The following SLC16A7 variants were observed in gnomAD, a reference collection of about 807,000 sequenced individuals.
The protein encoded by SLC16A7 is solute carrier family 16 member 7.
A neutral mutation model predicts 34.9 loss-of-function variants in SLC16A7; 33 were observed. That is an observed-to-expected ratio of 0.94 (90% confidence interval 0.72 to 1.26). SLC16A7 has a LOEUF of 1.26. SLC16A7 is among the 50% of genes most tolerant of loss of function. The probability of loss-of-function intolerance (pLI) is 0.00; values close to 1 mark genes in which losing one functional copy is unlikely to be tolerated. For missense variants in SLC16A7, 573 were observed against 578.1 expected, an observed-to-expected ratio of 0.99 and a Z score of 0.09; for synonymous variants, 201 against 206.6, an observed-to-expected ratio of 0.97 and a Z score of 0.23.
chr12:59,661,747 A>C (rs1246107435), intron 2 of SLC16A7, among the ~76,000 whole-genome samples: 1 of 152,108 alleles, frequency 6.6e-6, no homozygotes, highest in Admixed American at 6.6e-5. Context: ...ACCCTCCCCC[A>C]ATTAGGTTTT....
chr12:59,688,267 C>T (rs1871309544), intron 2 of SLC16A7, among the ~76,000 whole-genome samples: 2 of 151,878 alleles, frequency 1.3e-5, no homozygotes, highest in South Asian at 4.1e-4. Flanking sequence ...CGAGGAAAGC[C>T]ATTATTAGAA....
intron 3 of SLC16A7, chr12:59,719,930 C>G (rs1875373883): frequency 3.6e-6 from 2 of 561,956 alleles, no homozygotes; most frequent in South Asian, 4.8e-5. Flanking sequence ...GTGGTGGAAC[C>G]TTAGCTATTA....
intron 3 of SLC16A7, among the ~76,000 whole-genome samples, chr12:59,733,494 G>A (rs868145449): frequency 3.9e-5 from 6 of 152,144 alleles, no homozygotes; most frequent in East Asian, 1.9e-4. Context: ...TACCACAAAC[G>A]GCTTCTACTG....
chr12:59,635,060 G>A (rs1468359048), intron 1 of SLC16A7, among the ~76,000 whole-genome samples: 1 of 151,892 alleles, frequency 6.6e-6, no homozygotes, highest in African/African-American at 2.4e-5. Flanking sequence ...TTTTTCTGAG[G>A]CCTAAGGCTA....
chr12:59,753,810 T>A (rs1879916195), intron 3 of SLC16A7, among the ~76,000 whole-genome samples: 1 of 152,172 alleles, frequency 6.6e-6, no homozygotes, highest in African/African-American at 2.4e-5. Context: ...TACATTTTTT[T>A]CAGCACCACA....
At chr12:59,656,104 A>G (rs1045299430) in intron 2 of SLC16A7, among the ~76,000 whole-genome samples, 1 of 151,938 alleles carries the variant, frequency 6.6e-6, no homozygotes, top group Non-Finnish European at 1.5e-5. Context: ...GTTTGTTGTG[A>G]ACAATTCCTA....
chr12:59,713,138 G>C, intron 3 of SLC16A7, among the ~76,000 whole-genome samples: 1 of 151,846 alleles, frequency 6.6e-6, no homozygotes, highest in East Asian at 1.9e-4. Context: ...TCCCTCCTCA[G>C]CCTCTTGAGT....
chr12:59,762,693 A>T (rs947447178), intron 3 of SLC16A7, among the ~76,000 whole-genome samples: 14 of 152,126 alleles, frequency 9.2e-5, no homozygotes, highest in Non-Finnish European at 1.5e-5. Flanking sequence ...CTGTAGGCCT[A>T]GCTGCTTGGG....
rs201308862 is a variant in SLC16A7 at position 59,601,340 on chromosome 12, A to G, written c.-130+5104A>G. ...TCTATATCTTTTTTAACTAGATTAG[A>G]TAAGAATAAAAAATAAAACTACAAA... On this transcript the variant is annotated intron_variant, in intron 1 of 5. Transcript: ENST00000547379. Among the ~76,000 whole-genome samples, 17 of 152,346 alleles carry G rather than the reference A, an allele frequency of 1.1e-4. No homozygotes were observed. In the East Asian group the frequency reaches 3.3e-3, roughly 29 times the overall value.
At chr12:59,755,223 C>A (rs1880159194) in intron 3 of SLC16A7, among the ~76,000 whole-genome samples, 2 of 152,156 alleles carry the variant, frequency 1.3e-5, no homozygotes, top group Non-Finnish European at 2.9e-5. Context: ...CTCACCACTC[C>A]TATTCAACAT....
intron 1 of SLC16A7, among the ~76,000 whole-genome samples, chr12:59,643,460 G>A (rs1880775426): frequency 6.6e-6 from 1 of 152,104 alleles, no homozygotes; most frequent in South Asian, 2.1e-4. Flanking sequence ...TCTAGGCACT[G>A]CTAGGTACTG....
chr12:59,633,681 G>T (rs1297657710), intron 1 of SLC16A7, among the ~76,000 whole-genome samples: 1 of 151,814 alleles, frequency 6.6e-6, no homozygotes, highest in Non-Finnish European at 1.5e-5. Flanking sequence ...TCACAGTTTT[G>T]CATGGATGGG....
chr12:59,736,948 A>G (rs1487047602), intron 3 of SLC16A7, among the ~76,000 whole-genome samples: 2 of 152,152 alleles, frequency 1.3e-5, no homozygotes, highest in Non-Finnish European at 2.9e-5. Context: ...TTCACTGAAC[A>G]ATTCCTCTGT....
chr12:59,663,159 A>G (rs1868948566), intron 2 of SLC16A7, among the ~76,000 whole-genome samples: 1 of 151,934 alleles, frequency 6.6e-6, no homozygotes, highest in African/African-American at 2.4e-5. Flanking sequence ...TATTTTCTTG[A>G]TAATATAATT....
Position 59,716,097 on chromosome 12 carries a change from T to C in SLC16A7, c.217+11079T>C, listed in dbSNP as rs116361202. On this transcript the variant is annotated intron_variant, in intron 3 of 5. Transcript: ENST00000547379. ...AGCTTTGGAAAGCTTCTGTGGAAGC[T>C]TTGATGGATTTTTGAAAACTGATGA... is the stretch of plus-strand genomic sequence containing the variant. Among the ~76,000 whole-genome samples the C allele has an allele frequency of 5.3e-3, 804 of 152,298 alleles. 7 individuals are homozygous for C. Among genetic ancestry groups the C allele is most frequent in the African/African-American group, 0.015 (617 of 41,536 alleles).
chr12:59,633,431 T>C (rs936503211), intron 1 of SLC16A7, among the ~76,000 whole-genome samples: 1 of 152,030 alleles, frequency 6.6e-6, no homozygotes, highest in Non-Finnish European at 1.5e-5. Flanking sequence ...TATTGTTACT[T>C]AACATTTAGC....
intron 1 of SLC16A7, among the ~76,000 whole-genome samples, chr12:59,626,239 GT>G (rs34889375): frequency 0.23 from 35,125 of 151,342 alleles, 4,398 homozygotes; most frequent in Non-Finnish European, 0.26. Context: ...AGTCCCTGAG[GT>G]TTTTTTGTTT....
At chr12:59,662,509 T>G (rs1204550873) in intron 2 of SLC16A7, among the ~76,000 whole-genome samples, 1 of 152,204 alleles carries the variant, frequency 6.6e-6, no homozygotes, top group East Asian at 1.9e-4. Context: ...TTTGAGAATT[T>G]ATAACCTTGG....
intron 1 of SLC16A7, among the ~76,000 whole-genome samples, chr12:59,638,968 TATA>T (rs1340933987): frequency 6.6e-6 from 1 of 152,166 alleles, no homozygotes; most frequent in Admixed American, 6.5e-5. Context: ...GAGCAAACTG[TATA>T]ATACTTTTGG....
Sources: gnomAD v4.1 joint callset for allele counts (sites outside exome capture counted in the v4.1 genomes callset) on GRCh38, gnomAD v4.1.1 for gene constraint, MANE v1.5 for transcripts, NCBI Gene and HGNC (gene_info 2026-07-23, HGNC 2026-07-21) for gene names.